MVB12A: variants seen among roughly 807,000 people sequenced by gnomAD.
MVB12A encodes multivesicular body subunit 12A.
MVB12A carries 30 observed loss-of-function variants against 34.3 expected under a neutral mutation model. That is an observed-to-expected ratio of 0.88 (90% CI 0.65 to 1.19). The LOEUF (loss-of-function observed/expected upper bound fraction) is 1.19. MVB12A is among the 50% of genes most tolerant of loss of function. MVB12A has a pLI of 0.00. For synonymous variants in MVB12A, 158 were observed against 158.9 expected (o/e 0.99, Z 0.04); for missense variants, 355 against 369.2 (o/e 0.96, Z 0.31).
At chr19:17,416,230 TGCCACTGAGTAGCTGGGATTAC>T (rs2074798823), upstream of MVB12A, among the ~76,000 whole-genome samples, 1 of 79,164 alleles carries the variant, frequency 1.3e-5, no homozygotes, top group African/African-American at 1.5e-4. Context: ...TACAGGCGCA[TGCCACTGAGTAGCTGGGATTAC>T]AGGCGCATGC....
chr19:17,420,262 G>A, intron 1 of MVB12A, 37 bp downstream of exon 1: 1 of 1,538,620 alleles, frequency 6.5e-7, no homozygotes, highest in Non-Finnish European at 8.7e-7. Flanking sequence ...GAATGGGGGA[G>A]GCAGTCGCTG....
chr19:17,412,219 T>A (rs117117526), intron 2 of MVB12A, among the ~76,000 whole-genome samples: 1,963 of 152,254 alleles, frequency 0.013, 18 homozygotes, highest in Non-Finnish European at 0.019. Flanking sequence ...GCGAACCAGC[T>A]CCTTTCCCTC....
intron 2 of MVB12A, among the ~76,000 whole-genome samples, chr19:17,406,771 C>T (rs936451400): frequency 5.9e-5 from 9 of 152,164 alleles, no homozygotes; most frequent in African/African-American, 1.2e-4. Flanking sequence ...GATTGTGCCA[C>T]GGCACTCAAG....
At chr19:17,418,187 G>T, upstream of MVB12A, 1 of 154,504 alleles carries the variant, frequency 6.5e-6, no homozygotes. Context: ...GAGTCACTGT[G>T]CCAGGCCGGT....
At chr19:17,424,574 T>A (rs1599609745) in intron 7 of MVB12A, 47 bp from the exon 8 acceptor site, 5 of 1,591,288 alleles carry the variant, frequency 3.1e-6, no homozygotes, top group Non-Finnish European at 4.3e-6. Flanking sequence ...GGAAAGGGGG[T>A]TTCAGGTTGA....
intron 2 of MVB12A, among the ~76,000 whole-genome samples, chr19:17,412,353 G>C (rs2145753711): frequency 6.6e-6 from 1 of 152,216 alleles, no homozygotes; most frequent in African/African-American, 2.4e-5. Flanking sequence ...TGCAACCTCT[G>C]TCTCCCTGGT....
chr19:17,423,939 T>C (rs2074854517), intron 6 of MVB12A, 67 bp from the exon 7 acceptor site: 2 of 1,586,680 alleles, frequency 1.3e-6, no homozygotes, highest in South Asian at 2.2e-5. Context: ...CTGTGCGGGT[T>C]GGGCCTCTGT....
chr19:17,416,313 T>C (rs2074799232), upstream of MVB12A, among the ~76,000 whole-genome samples: 1 of 151,028 alleles, frequency 6.6e-6, no homozygotes, highest in African/African-American at 2.4e-5. Context: ...GGTTTCACCA[T>C]GTTGGTCAGA....
At chr19:17,408,829 C>T (rs1599597974) in intron 2 of MVB12A, among the ~76,000 whole-genome samples, 3 of 120,686 alleles carry the variant, frequency 2.5e-5, no homozygotes, top group Non-Finnish European at 3.2e-5. Flanking sequence ...TCTGCCATTA[C>T]TTTTTTTTTT....
chr19:17,416,777 G>A (rs2074802464), upstream of MVB12A, among the ~76,000 whole-genome samples: 1 of 148,372 alleles, frequency 6.7e-6, no homozygotes, highest in Admixed American at 6.8e-5. Context: ...TTGGCTCACT[G>A]CAACTTCCGC....
In MVB12A at chr19:17,423,696, G is replaced by A; in HGVS notation, c.537G>A (p.Lys179=). ...LSLDAASQPS[K]GGLLERTASR... is the part of the protein sequence containing the mutation. ...ACCTGAGTCATCCCACCTCCAGTAA[G>A]GGCGGCCTCCTGGAGCGGACAGCGT... Residue 179 remains lysine (K), a synonymous_variant, in exon 6 of 9, where the codon AAG becomes AAA. Transcript: ENST00000317040. 6.2e-7 allele frequency: 1 copy of A among 1,613,852 alleles called. No individual in the cohort carries two copies. The highest frequency in any genetic ancestry group is 1.1e-5 in the South Asian group (1 of 91,090).
intron 2 of MVB12A, among the ~76,000 whole-genome samples, chr19:17,409,677 C>T (rs2074751866): frequency 6.6e-6 from 1 of 151,378 alleles, no homozygotes; most frequent in African/African-American, 2.4e-5. Context: ...TCTCAAACTC[C>T]CGACCTCAGG....
chr19:17,424,998 T>A lies in MVB12A; in HGVS notation c.*5T>A. On this transcript the variant is annotated 3_prime_UTR_variant, in exon 9 of 9. Coordinates refer to ENST00000317040, the MANE Select transcript of MVB12A (RefSeq NM_138401.4). Reference sequence around the variant, plus strand: ...CTGCCCCCCAGCGTCTCATAGTCCCTCACCCTTCCGCGGAAAGAGCCCCCT... The same window carrying A: ...CTGCCCCCCAGCGTCTCATAGTCCCACACCCTTCCGCGGAAAGAGCCCCCT... 2 of 1,592,550 alleles carry A rather than the reference T, an allele frequency of 1.3e-6. No homozygotes were observed. The highest frequency in any genetic ancestry group is 1.7e-6 in the Non-Finnish European group (2 of 1,167,164).
At position 17,424,939 on chromosome 19, in the gene MVB12A, C is replaced by T. The variant is rs770442634; in HGVS notation, c.768C>T (p.Tyr256=). The T allele has an allele frequency of 1.2e-6, 2 of 1,609,596 alleles. No homozygotes were observed. The highest frequency in any genetic ancestry group is 2.2e-5 in the East Asian group (1 of 44,570). ...SLADIEEEYN[Y]GFVVEKTAAA... is the part of the protein sequence containing the mutation. Reference sequence around the variant, plus strand: ...CTCTCCCCATCCCCCAGTATAACTACGGCTTCGTGGTGGAGAAGACCGCGG... The same window carrying T: ...CTCTCCCCATCCCCCAGTATAACTATGGCTTCGTGGTGGAGAAGACCGCGG... Residue 256 remains tyrosine, a synonymous_variant, in exon 9 of 9, where the codon TAC becomes TAT. Coordinates refer to ENST00000317040, the MANE Select transcript of MVB12A (RefSeq NM_138401.4).
At chr19:17,415,036 A>C (rs1386621901) in intron 2 of MVB12A, 1 of 152,200 alleles carries the variant, frequency 6.6e-6, no homozygotes, top group African/African-American at 2.4e-5. Context: ...TAAAAATACA[A>C]AAATTAACTG....
chr19:17,418,515 C>CCTTA (rs1270184624), upstream of MVB12A, among the ~76,000 whole-genome samples: 1 of 151,392 alleles, frequency 6.6e-6, no homozygotes, highest in East Asian at 1.9e-4. Flanking sequence ...GCCTCAGCCC[C>CCTTA]CTTAGTAGCT....
In MVB12A at chr19:17,422,151, A is replaced by G. The variant is rs116443200; in HGVS notation, c.287-181A>G. 9.7e-4 allele frequency: 480 copies of G among 495,920 alleles called. 2 individuals carry two copies. The highest frequency in any genetic ancestry group is 8.7e-3 in the African/African-American group (449 of 51,482). The allele number at this position is 495,920 out of a possible 1,614,324, so 30.7% of individuals were successfully genotyped here. A position where few individuals can be genotyped will look rare whatever the true frequency, so the allele number is the denominator to read the frequency against. ...TACTCCAGCGGTTCCTAAAGGCTGC[A>G]TGGAATCCCCTCCTTCATCTATACC... On this transcript the variant is annotated intron_variant, in intron 3 of 8. Transcript: ENST00000317040.
rs780439934 is a variant in MVB12A, at chr19:17,420,489, G to T, written c.190-49G>T. The T allele has an allele frequency of 4.4e-6, 7 of 1,581,610 alleles. No individual in the cohort carries two copies. In the Admixed American group the frequency reaches 1.2e-4, roughly 26 times the overall value. On this transcript the variant is annotated intron_variant, in intron 2 of 8. Transcript: ENST00000317040. ...ATTCACGGTGCCCTATGCCAGGTGC[G>T]CTGTCCCCGCTGCTAGCCACCCTCG... is the stretch of plus-strand genomic sequence containing the variant.
chr19:17,412,955 ACCT>A (rs2074778084), intron 2 of MVB12A: 1 of 152,132 alleles, frequency 6.6e-6, no homozygotes, highest in African/African-American at 2.4e-5. Context: ...GAGCTTGTAA[ACCT>A]AAGGTTACGT....
Sources: gnomAD v4.1 joint callset for allele counts (sites outside exome capture counted in the v4.1 genomes callset) on GRCh38, gnomAD v4.1.1 for gene constraint, MANE v1.5 for transcripts, NCBI Gene and HGNC (gene_info 2026-07-23, HGNC 2026-07-21) for gene names.